Variants in KAT2B observed in about 807,000 individuals in gnomAD.
KAT2B encodes lysine acetyltransferase 2B, also known as histone acetyltransferase KAT2B.
KAT2B carries 36 observed loss-of-function variants against 105.9 expected under a neutral mutation model. That is an observed-to-expected ratio of 0.34 (90% CI 0.26 to 0.45). The LOEUF (loss-of-function observed/expected upper bound fraction) is 0.45. Among genes scored for constraint, KAT2B ranks in the 20% least tolerant of loss-of-function variants. The pLI is 1.00. For synonymous variants in KAT2B, 397 were observed against 377.9 expected (o/e 1.05, Z -0.59); for missense variants, 820 against 1,021.6 (o/e 0.80, Z 2.69).
At chr3:20,069,194 A>C (rs939136550) in intron 1 of KAT2B, among the ~76,000 whole-genome samples, 1 of 152,198 alleles carries the variant, frequency 6.6e-6, no homozygotes, top group Admixed American at 6.5e-5. Context: ...AGGTAGTTAG[A>C]ACTTGGGCTT....
At chr3:20,074,630 A>G (rs746422235) in intron 2 of KAT2B, among the ~76,000 whole-genome samples, 2 of 152,212 alleles carry the variant, frequency 1.3e-5, no homozygotes, top group Non-Finnish European at 2.9e-5. Flanking sequence ...AAATAAGAAA[A>G]CAATGCATAT....
intron 2 of KAT2B, among the ~76,000 whole-genome samples, chr3:20,075,350 G>T (rs1465732649): frequency 6.7e-6 from 1 of 149,342 alleles, no homozygotes; most frequent in African/African-American, 2.5e-5. Context: ...AGATGTGTGG[G>T]TTTTTTTTTT....
intron 9 of KAT2B, among the ~76,000 whole-genome samples, chr3:20,125,681 A>T (rs192527525): frequency 2.6e-5 from 4 of 152,068 alleles, no homozygotes; most frequent in Admixed American, 1.3e-4. Context: ...CACATATAAT[A>T]CTCCAATTTC....
intron 1 of KAT2B, among the ~76,000 whole-genome samples, chr3:20,070,508 G>A (rs1255196316): frequency 6.6e-6 from 1 of 150,496 alleles, no homozygotes; most frequent in Non-Finnish European, 1.5e-5. Context: ...GTTTCACCAT[G>A]TTAGCCAGGG....
At chr3:20,133,109 C>G (rs1253292732) in intron 11 of KAT2B, among the ~76,000 whole-genome samples, 2 of 152,146 alleles carry the variant, frequency 1.3e-5, no homozygotes, top group African/African-American at 4.8e-5. Flanking sequence ...TCCCATTTCC[C>G]CTTCCCACTA....
At chr3:20,113,121 T>A (rs549804569) in intron 6 of KAT2B, among the ~76,000 whole-genome samples, 1 of 152,318 alleles carries the variant, frequency 6.6e-6, no homozygotes, top group East Asian at 1.9e-4. Flanking sequence ...GGAGGGAGAT[T>A]CTGAAGCACT....
chr3:20,091,582 GGTT>G (rs150927386), intron 2 of KAT2B, among the ~76,000 whole-genome samples: 1,849 of 152,092 alleles, frequency 0.012, 15 homozygotes, highest in Middle Eastern at 0.027. Context: ...TGTAACATTA[GGTT>G]GTTCATTTGA....
chr3:20,140,595 A>C (rs1240287797), intron 13 of KAT2B, among the ~76,000 whole-genome samples: 4 of 152,208 alleles, frequency 2.6e-5, no homozygotes, highest in South Asian at 2.1e-4. Flanking sequence ...GGCCCAAGCA[A>C]TCCTCGTACC....
chr3:20,064,451 C>A (rs879357482), intron 1 of KAT2B, among the ~76,000 whole-genome samples: 1 of 152,184 alleles, frequency 6.6e-6, no homozygotes, highest in Non-Finnish European at 1.5e-5. Flanking sequence ...ATTTACTCCT[C>A]CTATCTATAT....
intron 1 of KAT2B, among the ~76,000 whole-genome samples, chr3:20,047,606 C>CTTTTTT (rs35457765): frequency 8.5e-6 from 1 of 117,850 alleles, no homozygotes; most frequent in Non-Finnish European, 1.7e-5. Context: ...CCGTGAGTAC[C>CTTTTTT]TTTTTTTTTT....
intron 1 of KAT2B, among the ~76,000 whole-genome samples, 180 bp downstream of exon 1, chr3:20,040,960 A>C (rs1323495354): frequency 6.6e-6 from 1 of 152,044 alleles, no homozygotes; most frequent in Admixed American, 6.5e-5. Context: ...CTTGGATAAG[A>C]GTCCTGCTGG....
At chr3:20,057,830 G>A (rs961567889) in intron 1 of KAT2B, among the ~76,000 whole-genome samples, 1 of 152,160 alleles carries the variant, frequency 6.6e-6, no homozygotes. Context: ...TCTTCAGAGA[G>A]CCTGCCAAGG....
chr3:20,056,156 G>A (rs1698000493), intron 1 of KAT2B, among the ~76,000 whole-genome samples: 1 of 152,164 alleles, frequency 6.6e-6, no homozygotes, highest in South Asian at 2.1e-4. Flanking sequence ...AGGGCCAGTT[G>A]GAAGTTATTA....
At chr3:20,052,955 G>A (rs563026627) in intron 1 of KAT2B, among the ~76,000 whole-genome samples, 1 of 152,156 alleles carries the variant, frequency 6.6e-6, no homozygotes, top group Non-Finnish European at 1.5e-5. Flanking sequence ...CAGCCTGGGC[G>A]ACAAGAGCTA....
chr3:20,101,516 A>G (rs1219489775), intron 5 of KAT2B, 48 bp downstream of exon 5: 2 of 1,544,974 alleles, frequency 1.3e-6, no homozygotes, highest in Non-Finnish European at 1.8e-6. Context: ...AGCCTGTTAC[A>G]GACCTAAAAT....
chr3:20,131,010 C>CTTT (rs148208028), intron 11 of KAT2B, among the ~76,000 whole-genome samples: 32 of 74,694 alleles, frequency 4.3e-4, no homozygotes, highest in Admixed American at 6.0e-4. Flanking sequence ...GTTTCCTGGC[C>CTTT]TTTTTTTTTT....
At chr3:20,117,827 A>C (rs1240410947) in intron 7 of KAT2B, among the ~76,000 whole-genome samples, 1 of 152,184 alleles carries the variant, frequency 6.6e-6, no homozygotes, top group Non-Finnish European at 1.5e-5. Context: ...ACCAGTCAGC[A>C]ACACAGCTAG....
intron 2 of KAT2B, among the ~76,000 whole-genome samples, chr3:20,085,384 A>T (rs956296945): frequency 6.6e-6 from 1 of 152,194 alleles, no homozygotes; most frequent in African/African-American, 2.4e-5. Flanking sequence ...CCTAAGATGA[A>T]GTCTGATTTT....
chr3:20,114,370 A>G (rs116396223), intron 6 of KAT2B, among the ~76,000 whole-genome samples: 2,126 of 152,336 alleles, frequency 0.014, 51 homozygotes, highest in African/African-American at 0.049. Flanking sequence ...GTGAGTTAAT[A>G]TACATCAACC....
Sources: gnomAD v4.1 joint callset for allele counts (sites outside exome capture counted in the v4.1 genomes callset) on GRCh38, gnomAD v4.1.1 for gene constraint, MANE v1.5 for transcripts, NCBI Gene and HGNC (gene_info 2026-07-23, HGNC 2026-07-21) for gene names.